The following SOX1 variants were observed in gnomAD, a reference collection of about 807,000 sequenced individuals.
The protein encoded by SOX1 is SRY-box transcription factor 1.
Under a neutral mutation model 0.9 loss-of-function variants are expected in SOX1, and 1 was observed. The observed-to-expected ratio is 1.07, with a 90% CI of 0.38 to 5.06. The LOEUF (loss-of-function observed/expected upper bound fraction) is 5.06. Among genes scored for constraint, SOX1 ranks in the 30% most tolerant of loss-of-function variants. The pLI is 0.16. For synonymous variants in SOX1, 397 were observed against 265.5 expected (o/e 1.50, Z -4.81); for missense variants, 564 against 534.4 (o/e 1.06, Z -0.55).
In SOX1 at chr13:112,068,472, G is replaced by C; in HGVS notation, c.814G>C (p.Gly272Arg). Reference sequence around the variant, plus strand: ...GGGCTACATGAGCGCGTCGCCCTCGGGCTACGGCGGCCTCCCCTACGGCGC... The same window carrying C: ...GGGCTACATGAGCGCGTCGCCCTCGCGCTACGGCGGCCTCCCCTACGGCGC... ...SQGYMSASPS[G>R]YGGLPYGAAA... The change falls in exon 1 of 1, where the codon GGC (glycine) becomes CGC (arginine). Residue 272 changes from glycine (G) to arginine (R), a missense_variant. Transcript: ENST00000330949. This position sits in a 1 kb window ranked among gnomAD's most constrained non-coding sequence, Gnocchi z 6.9. 2 of 1,145,630 alleles carry C rather than the reference G, an allele frequency of 1.7e-6. No individual in the cohort carries two copies. Among genetic ancestry groups the C allele is most frequent in the Non-Finnish European group, 2.2e-6 (2 of 920,802 alleles). The allele number at this position is 1,145,630 out of a possible 1,614,324, so 71.0% of individuals were successfully genotyped here. A position where few individuals can be genotyped will look rare whatever the true frequency, so the allele number is the denominator to read the frequency against.
In SOX1 at chr13:112,070,572, A is replaced by T. The variant is rs1002026780; in HGVS notation, c.*1738A>T. 10 of 166,950 alleles carry T rather than the reference A, an allele frequency of 6.0e-5. No homozygotes were observed. Among genetic ancestry groups the T allele is most frequent in the Non-Finnish European group, 1.3e-4 (9 of 68,084 alleles). The allele number at this position is 166,950 out of a possible 1,614,324, so 10.3% of individuals were successfully genotyped here. ...GAAAAAAAAAACACTTGAAGCCCAG[A>T]TGGAAATACGTTTATTTCAGCAGCC... On this transcript the variant is annotated 3_prime_UTR_variant, in exon 1 of 1. Transcript: ENST00000330949.
rs1263874344 is a variant in SOX1 at position 112,068,492 on chromosome 13, C to T, written c.834C>T (p.Tyr278=). ...ASPSGYGGLP[Y]GAAAAAAAAA... ...CCTCGGGCTACGGCGGCCTCCCCTA[C>T]GGCGCCGCGGCCGCCGCCGCCGCCG... The change falls in exon 1 of 1, where the codon TAC becomes TAT. Residue 278 remains tyrosine (Y), a synonymous_variant. Transcript: ENST00000330949. The surrounding 1 kb of genome is among the most constrained non-coding windows in gnomAD (Gnocchi z 6.9). The T allele has an allele frequency of 2.9e-6, 3 of 1,048,370 alleles. No individual in the cohort carries two copies. Among genetic ancestry groups the T allele is most frequent in the Middle Eastern group, 4.4e-4 (1 of 2,268 alleles). 64.9% of individuals were successfully genotyped at this position (1,048,370 alleles called of 1,614,324 possible). A position where few individuals can be genotyped will look rare whatever the true frequency, so the allele number is the denominator to read the frequency against.
rs530586383 is a variant in SOX1 at position 112,070,336 on chromosome 13, A to G, written c.*1502A>G. 1.8e-5 allele frequency: 3 copies of G among 166,982 alleles called. No individual in the cohort carries two copies. The East Asian group carries it at 5.8e-4, about 32-fold the overall frequency. 10.3% of individuals were successfully genotyped at this position (166,982 alleles called of 1,614,324 possible). ...TGCCTTGTTCATTATTCCTGACGAG[A>G]TCTTGAGGTTGTTTGATGCTTTAAA... On this transcript the variant is annotated 3_prime_UTR_variant, in exon 1 of 1. Coordinates refer to ENST00000330949, the MANE Select transcript of SOX1 (RefSeq NM_005986.3).
Position 112,071,074 on chromosome 13 carries a change from G to GAGAAAACCTTGAGAAAACCTTGA in SOX1, c.*2240_*2241insAGAAAACCTTGAGAAAACCTTGA, listed in dbSNP as rs1450407593. Among the ~76,000 whole-genome samples the GAGAAAACCTTGAGAAAACCTTGA allele has an allele frequency of 4.6e-5, 7 of 152,262 alleles. No homozygotes were observed. The East Asian group carries it at 1.2e-3, about 25-fold the overall frequency. ...CTCACCGGGACCTTGAGGGTCCAAT[G>GAGAAAACCTTGAGAAAACCTTGA]GGACCTTGAGGGTTTTCTCTGAAAT... On this transcript the variant is annotated 3_prime_UTR_variant, in exon 1 of 1. Coordinates refer to ENST00000330949, the MANE Select transcript of SOX1 (RefSeq NM_005986.3).
Position 112,068,202 on chromosome 13 carries a change from G to A in SOX1, c.544G>A (p.Ala182Thr). ...SPGGAAGGGY[A>T]HVNGWANGAY... ...AGGCGGCGCGGCGGGCGGCGGCTAC[G>A]CGCACGTCAACGGCTGGGCCAACGG... Residue 182 changes from alanine to threonine, a missense_variant, in exon 1 of 1, where the codon GCG becomes ACG. Transcript: ENST00000330949. This position sits in a 1 kb window ranked among gnomAD's most constrained non-coding sequence, Gnocchi z 6.9. 1 of 792,440 alleles carries A rather than the reference G, an allele frequency of 1.3e-6. No individual in the cohort carries two copies. Among genetic ancestry groups the A allele is most frequent in the Non-Finnish European group, 1.5e-6 (1 of 652,056 alleles). The allele number at this position is 792,440 out of a possible 1,614,324, so 49.1% of individuals were successfully genotyped here.
rs749868041 is a variant in SOX1, at chr13:112,068,035, C to T, written c.377C>T (p.Thr126Ile). ...PDYKYRPRRK[T>I]KTLLKKDKYS... ...TACAAGTACCGGCCGCGCCGCAAGACCAAGACGCTGCTCAAGAAGGACAAG... is the reference window on the plus strand; with the variant it reads ...TACAAGTACCGGCCGCGCCGCAAGATCAAGACGCTGCTCAAGAAGGACAAG... The change falls in exon 1 of 1, where the codon ACC becomes ATC. Residue 126 changes from threonine to isoleucine, a missense_variant. Physicochemically the swap from Thr to Ile is moderately conservative, Grantham distance 89 (BLOSUM62 -1). Coordinates refer to ENST00000330949, the MANE Select transcript of SOX1 (RefSeq NM_005986.3). The surrounding 1 kb of genome is among the most constrained non-coding windows in gnomAD (Gnocchi z 6.9). 2 of 1,603,562 alleles carry T rather than the reference C, an allele frequency of 1.2e-6. No homozygotes were observed. Among genetic ancestry groups the T allele is most frequent in the Non-Finnish European group, 8.5e-7 (1 of 1,175,158 alleles).
At position 112,068,792 on chromosome 13, in the gene SOX1, G is replaced by T. The variant is rs372862367; in HGVS notation, c.1134G>T (p.Ala378=). Residue 378 remains alanine (A), a synonymous_variant, in exon 1 of 1, where the codon GCG becomes GCT. Coordinates refer to ENST00000330949, the MANE Select transcript of SOX1 (RefSeq NM_005986.3). The surrounding 1 kb of genome is among the most constrained non-coding windows in gnomAD (Gnocchi z 6.9). ...LHSLPQHYQG[A]GAGVNGTVPL... is the part of the protein sequence containing the mutation. Reference sequence around the variant, plus strand: ...CGCTGCCGCAGCACTACCAGGGCGCGGGCGCGGGCGTGAACGGCACGGTGC... The same window carrying T: ...CGCTGCCGCAGCACTACCAGGGCGCTGGCGCGGGCGTGAACGGCACGGTGC... 4.9e-6 allele frequency: 6 copies of T among 1,227,628 alleles called. No individual in the cohort carries two copies. The highest frequency in any genetic ancestry group is 4.3e-5 in the Admixed American group (1 of 23,272). The allele number at this position is 1,227,628 out of a possible 1,614,324, so 76.0% of individuals were successfully genotyped here.
Position 112,068,298 on chromosome 13 carries a change from G to A in SOX1, c.640G>A (p.Gly214Arg). 9.9e-7 allele frequency: 1 copy of A among 1,006,982 alleles called. No individual in the cohort carries two copies. The highest frequency in any genetic ancestry group is 1.2e-6 in the Non-Finnish European group (1 of 832,632). The allele number at this position is 1,006,982 out of a possible 1,614,324, so 62.4% of individuals were successfully genotyped here. A position where few individuals can be genotyped will look rare whatever the true frequency, so the allele number is the denominator to read the frequency against. ...AMMQEAQLAY[G>R]QHPGAGGAHP... ...GATGCAGGAGGCGCAGCTGGCCTAC[G>A]GGCAGCACCCGGGCGCGGGCGGCGC... Residue 214 changes from glycine (G) to arginine (R), a missense_variant, in exon 1 of 1, where the codon GGG becomes AGG. Gly to Arg is a moderately radical substitution (Grantham distance 125, BLOSUM62 -2). Coordinates refer to ENST00000330949, the MANE Select transcript of SOX1 (RefSeq NM_005986.3). The surrounding 1 kb of genome is among the most constrained non-coding windows in gnomAD (Gnocchi z 6.9).
Position 112,067,550 on chromosome 13 carries a change from C to A in SOX1, c.-109C>A. On this transcript the variant is annotated 5_prime_UTR_variant, in exon 1 of 1. Transcript: ENST00000330949. This position sits in a 1 kb window ranked among gnomAD's most constrained non-coding sequence, Gnocchi z 5.1. Reference sequence around the variant, plus strand: ...CCATTCTTCTCTCCGCTAGGACCCCCCCGCCCCCGTCTCACTCCGTCTGAA... The same window carrying A: ...CCATTCTTCTCTCCGCTAGGACCCCACCGCCCCCGTCTCACTCCGTCTGAA... 2.0e-6 allele frequency: 1 copy of A among 503,502 alleles called. No homozygotes were observed. The highest frequency in any genetic ancestry group is 7.6e-5 in the East Asian group (1 of 13,130). The allele number at this position is 503,502 out of a possible 1,614,324, so 31.2% of individuals were successfully genotyped here.
In SOX1 at chr13:112,068,749, C is replaced by G. The variant is rs1275116750; in HGVS notation, c.1091C>G (p.Ala364Gly). The G allele has an allele frequency of 5.0e-6, 6 of 1,200,148 alleles. No homozygotes were observed. Among genetic ancestry groups the G allele is most frequent in the Admixed American group, 4.5e-5 (1 of 22,238 alleles). 74.3% of individuals were successfully genotyped at this position (1,200,148 alleles called of 1,614,324 possible). Residue 364 changes from alanine to glycine, a missense_variant, in exon 1 of 1, where the codon GCG (alanine) becomes GGG (glycine). Coordinates refer to ENST00000330949, the MANE Select transcript of SOX1 (RefSeq NM_005986.3). The surrounding 1 kb of genome is among the most constrained non-coding windows in gnomAD (Gnocchi z 6.9). ...CCGGCGGCGGCAGCAGCGGCCGCGG[C>G]GCAGAGCCGGCTGCACTCGCTGCCG... ...GDPAAAAAAA[A>G]QSRLHSLPQH... is the part of the protein sequence containing the mutation.
In SOX1 at chr13:112,069,732, AAAGT is replaced by A. The variant is rs1324949356; in HGVS notation, c.*902_*905del. 1 of 166,992 alleles carries A rather than the reference AAAGT, an allele frequency of 6.0e-6. No individual in the cohort carries two copies. Among genetic ancestry groups the A allele is most frequent in the Non-Finnish European group, 1.5e-5 (1 of 68,118 alleles). The allele number at this position is 166,992 out of a possible 1,614,324, so 10.3% of individuals were successfully genotyped here. A position where few individuals can be genotyped will look rare whatever the true frequency, so the allele number is the denominator to read the frequency against. The stretch of plus-strand genomic sequence containing the variant: ...ACAGGGAAATTATCTGTATGAACTA[AAAGT>A]AAGGGAACCCCGGGGAATGGGAGGA... On this transcript the variant is annotated 3_prime_UTR_variant, in exon 1 of 1. Transcript: ENST00000330949.
chr13:112,068,380 A>G lies in SOX1; in HGVS notation c.722A>G (p.His241Arg). The change falls in exon 1 of 1, where the codon CAC becomes CGC. Residue 241 changes from histidine to arginine, a missense_variant. Coordinates refer to ENST00000330949, the MANE Select transcript of SOX1 (RefSeq NM_005986.3). The surrounding 1 kb of genome is among the most constrained non-coding windows in gnomAD (Gnocchi z 6.9). The stretch of plus-strand genomic sequence containing the variant: ...CCGCACCACCCGCACGCGCACCCGC[A>G]CAACCCGCAGCCCATGCACCGCTAC... ...PHPHHPHAHP[H>R]NPQPMHRYDM... The G allele has an allele frequency of 7.8e-7, 1 of 1,281,558 alleles. No homozygotes were observed. Among genetic ancestry groups the G allele is most frequent in the Non-Finnish European group, 1.0e-6 (1 of 993,800 alleles). 79.4% of individuals were successfully genotyped at this position (1,281,558 alleles called of 1,614,324 possible). A position where few individuals can be genotyped will look rare whatever the true frequency, so the allele number is the denominator to read the frequency against.
rs1880807889 is a variant in SOX1, at chr13:112,068,835, C to T, written c.*1C>T. ...CACGGTGCCCCTGACGCACATCTAG[C>T]GCCTTCGGGACGCCGGGGACTCTGC... On this transcript the variant is annotated 3_prime_UTR_variant, in exon 1 of 1. Transcript: ENST00000330949. The surrounding 1 kb of genome is among the most constrained non-coding windows in gnomAD (Gnocchi z 6.9). 1 of 1,218,244 alleles carries T rather than the reference C, an allele frequency of 8.2e-7. No homozygotes were observed. The highest frequency in any genetic ancestry group is 1.6e-5 in the African/African-American group (1 of 63,236). The allele number at this position is 1,218,244 out of a possible 1,614,324, so 75.5% of individuals were successfully genotyped here.
rs890286393 is a variant in SOX1 at position 112,068,561 on chromosome 13, G to A, written c.903G>A (p.Ala301=). 1 of 995,392 alleles carries A rather than the reference G, an allele frequency of 1.0e-6. No homozygotes were observed. Among genetic ancestry groups the A allele is most frequent in the African/African-American group, 1.8e-5 (1 of 56,846 alleles). The allele number at this position is 995,392 out of a possible 1,614,324, so 61.7% of individuals were successfully genotyped here. ...AGAACTCGGCCGTGGCGGCGGCGGCGGCGGCGGCGGCCGCGTCGTCGGGCG... is the reference window on the plus strand; with the variant it reads ...AGAACTCGGCCGTGGCGGCGGCGGCAGCGGCGGCGGCCGCGTCGTCGGGCG... ...AHQNSAVAAA[A]AAAAASSGAL... The change falls in exon 1 of 1, where the codon GCG becomes GCA. Residue 301 remains alanine, a synonymous_variant. Transcript: ENST00000330949. This position sits in a 1 kb window ranked among gnomAD's most constrained non-coding sequence, Gnocchi z 6.9.
Position 112,068,284 on chromosome 13 carries a change from C to A in SOX1, c.626C>A (p.Ala209Glu). The part of the protein sequence containing the change: ...AAAAAAMMQE[A>E]QLAYGQHPGA... ...GCGGCCGCGGCCATGATGCAGGAGG[C>A]GCAGCTGGCCTACGGGCAGCACCCG... The change falls in exon 1 of 1, where the codon GCG becomes GAG. Residue 209 changes from alanine (A) to glutamate (E), a missense_variant. Coordinates refer to ENST00000330949, the MANE Select transcript of SOX1 (RefSeq NM_005986.3). This position sits in a 1 kb window ranked among gnomAD's most constrained non-coding sequence, Gnocchi z 6.9. 1 of 897,876 alleles carries A rather than the reference C, an allele frequency of 1.1e-6. No homozygotes were observed. The highest frequency in any genetic ancestry group is 1.4e-6 in the Non-Finnish European group (1 of 739,528). The allele number at this position is 897,876 out of a possible 1,614,324, so 55.6% of individuals were successfully genotyped here. A position where few individuals can be genotyped will look rare whatever the true frequency, so the allele number is the denominator to read the frequency against.
In SOX1 at chr13:112,068,849, CG is replaced by C. The variant is rs1266868194; in HGVS notation, c.*19del. 4 of 1,208,058 alleles carry C rather than the reference CG, an allele frequency of 3.3e-6. No homozygotes were observed. Among genetic ancestry groups the C allele is most frequent in the Non-Finnish European group, 3.1e-6 (3 of 964,644 alleles). 74.8% of individuals were successfully genotyped at this position (1,208,058 alleles called of 1,614,324 possible). On this transcript the variant is annotated 3_prime_UTR_variant, in exon 1 of 1. Coordinates refer to ENST00000330949, the MANE Select transcript of SOX1 (RefSeq NM_005986.3). This position sits in a 1 kb window ranked among gnomAD's most constrained non-coding sequence, Gnocchi z 6.9. ...CGCACATCTAGCGCCTTCGGGACGC[CG>C]GGGACTCTGCGGCGGCGACCCACGA...
Position 112,068,071 on chromosome 13 carries a change from C to G in SOX1, c.413C>G (p.Ala138Gly). Residue 138 changes from alanine (A) to glycine (G), a missense_variant, in exon 1 of 1, where the codon GCC becomes GGC. Coordinates refer to ENST00000330949, the MANE Select transcript of SOX1 (RefSeq NM_005986.3). This position sits in a 1 kb window ranked among gnomAD's most constrained non-coding sequence, Gnocchi z 6.9. Reference sequence around the variant, plus strand: ...CTCAAGAAGGACAAGTACTCGCTGGCCGGCGGGCTCCTGGCGGCCGGCGCG... The same window carrying G: ...CTCAAGAAGGACAAGTACTCGCTGGGCGGCGGGCTCCTGGCGGCCGGCGCG... Reference protein sequence around the residue: ...TLLKKDKYSLAGGLLAAGAGG... With the variant: ...TLLKKDKYSLGGGLLAAGAGG... The G allele has an allele frequency of 6.4e-7, 1 of 1,569,950 alleles. No homozygotes were observed.
In SOX1 at chr13:112,067,794, G is replaced by A; in HGVS notation, c.136G>A (p.Ala46Thr). ...GGGGGGGGAK[A>T]NQDRVKRPMN... The stretch of plus-strand genomic sequence containing the variant: ...CGGCGGCGGCGGCGGGGGCGCCAAG[G>A]CCAACCAGGACCGGGTCAAACGGCC... The change falls in exon 1 of 1, where the codon GCC (alanine) becomes ACC (threonine). Residue 46 changes from alanine to threonine, a missense_variant. By Grantham distance (58) the Ala-to-Thr change is moderately conservative. Coordinates refer to ENST00000330949, the MANE Select transcript of SOX1 (RefSeq NM_005986.3). The surrounding 1 kb of genome is among the most constrained non-coding windows in gnomAD (Gnocchi z 5.1). 2.8e-6 allele frequency: 4 copies of A among 1,430,676 alleles called. No homozygotes were observed. Among genetic ancestry groups the A allele is most frequent in the South Asian group, 1.7e-5 (1 of 59,126 alleles). 88.6% of individuals were successfully genotyped at this position (1,430,676 alleles called of 1,614,324 possible).
Position 112,068,879 on chromosome 13 carries a change from C to G in SOX1, c.*45C>G, listed in dbSNP as rs1270861744. The G allele has an allele frequency of 3.4e-6, 4 of 1,190,914 alleles. No homozygotes were observed. The highest frequency in any genetic ancestry group is 3.2e-5 in the African/African-American group (2 of 62,344). 73.8% of individuals were successfully genotyped at this position (1,190,914 alleles called of 1,614,324 possible). A position where few individuals can be genotyped will look rare whatever the true frequency, so the allele number is the denominator to read the frequency against. On this transcript the variant is annotated 3_prime_UTR_variant, in exon 1 of 1. Coordinates refer to ENST00000330949, the MANE Select transcript of SOX1 (RefSeq NM_005986.3). The surrounding 1 kb of genome is among the most constrained non-coding windows in gnomAD (Gnocchi z 6.9). ...ACTCTGCGGCGGCGACCCACGAGCT[C>G]GCGGCCCGCGCCCGGCTCCCGCCCC...
Sources: gnomAD v4.1 joint callset for allele counts (sites outside exome capture counted in the v4.1 genomes callset) on GRCh38, gnomAD v4.1.1 for gene constraint, Gnocchi (gnomAD v3.1) non-coding constraint, MANE v1.5 for transcripts, NCBI Gene and HGNC (gene_info 2026-07-23, HGNC 2026-07-21) for gene names.